The following HHAT variants were observed in gnomAD, a reference collection of about 807,000 sequenced individuals.
The protein encoded by HHAT is hedgehog acyltransferase.
In HHAT, 47 loss-of-function variants were observed where a neutral mutation model predicts 70.8. That is an observed-to-expected ratio of 0.66 (90% confidence interval 0.53 to 0.85). The LOEUF (loss-of-function observed/expected upper bound fraction) is 0.85, where lower values mean the gene tolerates loss of function less well. Among genes scored for constraint, HHAT ranks in the 40% least tolerant of loss-of-function variants. The pLI, the probability that HHAT is intolerant of heterozygous loss-of-function variation, is 0.00. For synonymous variants in HHAT, 228 were observed against 247.6 expected (o/e 0.92, Z 0.74); for missense variants, 609 against 604.8 (o/e 1.01, Z -0.07).
intron 3 of HHAT, among the ~76,000 whole-genome samples, chr1:210,371,818 C>T: frequency 6.6e-6 from 1 of 152,132 alleles, no homozygotes; most frequent in Admixed American, 6.5e-5. Context: ...AAGAAGTCCC[C>T]AACCCCAGTG....
chr1:210,557,132 G>T (rs1476815487), intron 9 of HHAT, among the ~76,000 whole-genome samples: 9 of 152,204 alleles, frequency 5.9e-5, no homozygotes, highest in African/African-American at 2.2e-4. Context: ...GAGACCCTAG[G>T]AGGGAGACAG....
At chr1:210,534,222 G>T (rs1006173847) in intron 9 of HHAT, among the ~76,000 whole-genome samples, 8 of 152,178 alleles carry the variant, frequency 5.3e-5, no homozygotes, top group Non-Finnish European at 1.2e-4. Context: ...GGCTCTGATG[G>T]CTCACGTGGA....
At chr1:210,367,244 A>G (rs902816192) in intron 3 of HHAT, among the ~76,000 whole-genome samples, 1 of 152,270 alleles carries the variant, frequency 6.6e-6, no homozygotes, top group Non-Finnish European at 1.5e-5. Context: ...TGTGGGTCCC[A>G]CAAAAGCAGG....
At chr1:210,400,234 T>C (rs2091997499) in intron 4 of HHAT, among the ~76,000 whole-genome samples, 1 of 152,180 alleles carries the variant, frequency 6.6e-6, no homozygotes, top group Non-Finnish European at 1.5e-5. Flanking sequence ...TACTTGCTTC[T>C]GGGTGGAGCT....
intron 10 of HHAT, among the ~76,000 whole-genome samples, chr1:210,623,297 C>T (rs1669219277): frequency 6.6e-6 from 1 of 152,176 alleles, no homozygotes; most frequent in African/African-American, 2.4e-5. Flanking sequence ...TGGTCTTGAA[C>T]TCCTGGGCCC....
intron 10 of HHAT, among the ~76,000 whole-genome samples, chr1:210,594,060 A>G (rs529832843): frequency 6.6e-6 from 1 of 152,004 alleles, no homozygotes; most frequent in Admixed American, 6.6e-5. Context: ...ATGTGTCTTT[A>G]TAGGTTAAGT....
At chr1:210,349,155 C>T in intron 2 of HHAT, 89 bp downstream of exon 2, 1 of 1,349,802 alleles carries the variant, frequency 7.4e-7, no homozygotes, top group East Asian at 2.3e-5. Context: ...AGAAGATGAT[C>T]CAATAGTGTC....
At chr1:210,640,683 C>T (rs2148911265) in intron 11 of HHAT, among the ~76,000 whole-genome samples, 1 of 151,644 alleles carries the variant, frequency 6.6e-6, no homozygotes, top group South Asian at 2.1e-4. Context: ...CTGCCCCCCA[C>T]ACACGCACCC....
At chr1:210,514,482 T>G (rs903160732) in intron 9 of HHAT, among the ~76,000 whole-genome samples, 7 of 152,224 alleles carry the variant, frequency 4.6e-5, no homozygotes, top group African/African-American at 1.7e-4. Context: ...AGTTCGAGTT[T>G]TTTATTTAAT....
At chr1:210,349,507 G>A (rs972855727) in intron 2 of HHAT, among the ~76,000 whole-genome samples, 5 of 152,062 alleles carry the variant, frequency 3.3e-5, no homozygotes, top group Non-Finnish European at 7.3e-5. Flanking sequence ...GAAGGGGAAT[G>A]GGGGCCCTCC....
chr1:210,427,442 T>G (rs1291410243), intron 7 of HHAT, among the ~76,000 whole-genome samples: 1 of 152,196 alleles, frequency 6.6e-6, no homozygotes, highest in Non-Finnish European at 1.5e-5. Context: ...AGGTGTTTAG[T>G]GCTATAACTT....
At chr1:210,621,351 C>T (rs1668793203) in intron 10 of HHAT, among the ~76,000 whole-genome samples, 1 of 152,110 alleles carries the variant, frequency 6.6e-6, no homozygotes, top group East Asian at 1.9e-4. Context: ...GGTGGAGTGT[C>T]AGACTCAGTG....
chr1:210,561,630 C>CT (rs1421469150), intron 9 of HHAT, among the ~76,000 whole-genome samples: 5 of 152,192 alleles, frequency 3.3e-5, no homozygotes, highest in South Asian at 4.1e-4. Flanking sequence ...GTCATTTTCT[C>CT]TTTTTTCTGC....
chr1:210,484,992 T>C (rs12755271), intron 8 of HHAT, among the ~76,000 whole-genome samples: 31,302 of 152,092 alleles, frequency 0.21, 4,189 homozygotes, highest in East Asian at 0.57. Context: ...TTGCTGGCTA[T>C]GTGCAGAGTA....
intron 10 of HHAT, among the ~76,000 whole-genome samples, chr1:210,621,989 C>T (rs1422511079): frequency 6.6e-6 from 1 of 152,112 alleles, no homozygotes; most frequent in African/African-American, 2.4e-5. Flanking sequence ...TAAGAACAGA[C>T]CCTGGGGCTG....
intron 8 of HHAT, among the ~76,000 whole-genome samples, chr1:210,498,954 G>A (rs539262899): frequency 3.3e-5 from 5 of 151,892 alleles, no homozygotes; most frequent in Admixed American, 1.3e-4. Context: ...ATTTTTGGTA[G>A]AGACCAGGTT....
intron 1 of HHAT, among the ~76,000 whole-genome samples, chr1:210,348,586 A>C (rs995503836): frequency 6.6e-6 from 1 of 152,164 alleles, no homozygotes; most frequent in Non-Finnish European, 1.5e-5. Flanking sequence ...GGTCCCTGCT[A>C]TCTGAGGGTC....
intron 5 of HHAT, among the ~76,000 whole-genome samples, chr1:210,402,234 G>A (rs1222830151): frequency 1.3e-5 from 2 of 152,230 alleles, no homozygotes; most frequent in South Asian, 2.1e-4. Flanking sequence ...TTTGGGGCCA[G>A]TTGACTCTGA....
chr1:210,617,873 C>T (rs937508248), intron 10 of HHAT, among the ~76,000 whole-genome samples: 4 of 152,182 alleles, frequency 2.6e-5, no homozygotes, highest in African/African-American at 9.7e-5. Context: ...GGAGGTATTG[C>T]TTTCAAAGGC....
Sources: allele counts gnomAD v4.1 joint callset (sites outside exome capture counted in the v4.1 genomes callset), GRCh38; gene constraint gnomAD v4.1.1; transcripts MANE v1.5; gene names NCBI Gene and HGNC (gene_info 2026-07-23, HGNC 2026-07-21).